The following RELN variants were observed in gnomAD, a reference collection of about 807,000 sequenced individuals.
The protein encoded by RELN is reelin.
A neutral mutation model predicts 427.6 loss-of-function variants in RELN; 108 were observed. That is an observed-to-expected ratio of 0.25 (90% CI 0.22 to 0.30). The LOEUF is 0.30. Ranked by LOEUF, RELN falls within the 10% of genes least tolerant of loss-of-function variation. The pLI, the probability that RELN is intolerant of heterozygous loss-of-function variation, is 1.00. For missense variants in RELN, 3,715 were observed against 4,302.8 expected (o/e 0.86, Z 3.82); for synonymous variants, 1,524 against 1,513.4 (o/e 1.01, Z -0.16).
rs527362265 is a variant in RELN at position 103,977,098 on chromosome 7, G to T, written c.226+12033C>A. On this transcript the variant is annotated intron_variant, in intron 1 of 64. Transcript: ENST00000428762. ...GGCTGAGGTGGGTGGATCATTTGAG[G>T]TCAGGAGTTCAAGACCAGCCTGGCC... Among the ~76,000 whole-genome samples the T allele has an allele frequency of 2.2e-3, 333 of 151,206 alleles. 1 individual carries two copies. The highest frequency in any genetic ancestry group is 3.1e-3 in the Non-Finnish European group (208 of 67,800).
At chr7:103,574,474 T>C (rs1257097758) in intron 29 of RELN, among the ~76,000 whole-genome samples, 175 bp from the exon 30 acceptor site, 5 of 152,204 alleles carry the variant, frequency 3.3e-5, no homozygotes, top group Non-Finnish European at 7.3e-5. Flanking sequence ...ACTACCATCA[T>C]CAAAAACACT....
intron 18 of RELN, 123 bp from the exon 19 acceptor site, chr7:103,635,709 AT>A: frequency 1.3e-6 from 1 of 765,972 alleles, no homozygotes; most frequent in Non-Finnish European, 2.2e-6. Context: ...ATGTTAAGTA[AT>A]TTCATTGTTA....
chr7:103,932,191 G>A (rs10238495), intron 1 of RELN, among the ~76,000 whole-genome samples: 63,712 of 152,054 alleles, frequency 0.42, 14,160 homozygotes, highest in African/African-American at 0.58. Context: ...ACACACCATG[G>A]AATACTACAC....
At chr7:103,545,082 G>A in intron 42 of RELN, 42 bp downstream of exon 42, 1 of 1,495,160 alleles carries the variant, frequency 6.7e-7, no homozygotes, top group Non-Finnish European at 9.3e-7. Flanking sequence ...TAACATATAA[G>A]TTCTTTCACA....
At chr7:103,670,530 G>GT (rs1285315500) in intron 11 of RELN, among the ~76,000 whole-genome samples, 1 of 100,042 alleles carries the variant, frequency 1.0e-5, no homozygotes, top group Non-Finnish European at 2.3e-5. Flanking sequence ...TGATTCTAGT[G>GT]TTTTGCGGGT....
intron 5 of RELN, 34 bp from the exon 6 acceptor site, chr7:103,749,538 A>G: frequency 2.1e-6 from 3 of 1,413,090 alleles, no homozygotes; most frequent in South Asian, 1.1e-5. Context: ...GGAAAGAAAT[A>G]TACTACAACA....
chr7:103,962,646 T>TTG lies in RELN; in HGVS notation c.226+26483_226+26484dup, dbSNP rs57782980. ...TGTTGGATTTTCCATTCCAAAGTTG[T>TTG]TGTGTGTGTGTGTGTGTGTGTGTGT... On this transcript the variant is annotated intron_variant, in intron 1 of 64. Coordinates refer to ENST00000428762, the MANE Select transcript of RELN (RefSeq NM_005045.4). Among the ~76,000 whole-genome samples, 652 of 149,916 alleles carry TTG rather than the reference T, an allele frequency of 4.3e-3. 8 individuals are homozygous for TTG. Among genetic ancestry groups the TTG allele is most frequent in the South Asian group, 0.02 (93 of 4,686 alleles).
At chr7:103,554,028 A>G (rs1474336736) in intron 38 of RELN, among the ~76,000 whole-genome samples, 197 bp from the exon 39 acceptor site, 1 of 152,178 alleles carries the variant, frequency 6.6e-6, no homozygotes, top group Non-Finnish European at 1.5e-5. Context: ...TCTACAAAAA[A>G]TAAAAAAAAT....
chr7:103,870,261 C>CT (rs1563061420), intron 2 of RELN, among the ~76,000 whole-genome samples: 1 of 152,010 alleles, frequency 6.6e-6, no homozygotes, highest in South Asian at 2.1e-4. Context: ...CTATTGAATG[C>CT]TTTTTTCTTG....
chr7:103,632,148 G>A (rs1403715985), intron 19 of RELN, among the ~76,000 whole-genome samples: 3 of 152,118 alleles, frequency 2.0e-5, no homozygotes, highest in African/African-American at 7.2e-5. Flanking sequence ...TTAAGACTAC[G>A]GGTCTGTAAT....
intron 1 of RELN, among the ~76,000 whole-genome samples, chr7:103,922,952 C>A (rs577637101): frequency 2.0e-5 from 3 of 151,696 alleles, no homozygotes; most frequent in Non-Finnish European, 4.4e-5. Flanking sequence ...CGGCAAGCAT[C>A]AGAGGATAGC....
At chr7:103,842,866 T>C (rs1793586350) in intron 2 of RELN, among the ~76,000 whole-genome samples, 1 of 152,162 alleles carries the variant, frequency 6.6e-6, no homozygotes, top group Admixed American at 6.6e-5. Flanking sequence ...CTCAGTGCAC[T>C]TAAAAGATGA....
intron 11 of RELN, among the ~76,000 whole-genome samples, chr7:103,680,275 A>C (rs1473063404): frequency 6.6e-6 from 1 of 152,016 alleles, no homozygotes; most frequent in Admixed American, 6.6e-5. Flanking sequence ...CCTGGAGAGG[A>C]AATGCATCTC....
chr7:103,870,456 C>A (rs75738426), intron 2 of RELN, among the ~76,000 whole-genome samples: 1,893 of 151,970 alleles, frequency 0.012, 34 homozygotes, highest in African/African-American at 0.043. Flanking sequence ...TAGGATGGAT[C>A]TCTAGAATGC....
intron 5 of RELN, among the ~76,000 whole-genome samples, chr7:103,750,583 T>C (rs1019068580): frequency 1.3e-5 from 2 of 152,190 alleles, no homozygotes; most frequent in African/African-American, 4.8e-5. Context: ...AAGCATGGAA[T>C]TGGATAGAAC....
intron 58 of RELN, 99 bp downstream of exon 58, chr7:103,491,854 T>TCACACACACACACA (rs1465537709): frequency 1.4e-4 from 54 of 378,000 alleles, no homozygotes; most frequent in Middle Eastern, 7.3e-4. Context: ...TCTCTCTCTC[T>TCACACACACACACA]CTCACACACA....
chr7:103,575,816 T>TCAAGCAGA, intron 28 of RELN, 111 bp from the exon 29 acceptor site: 5 of 1,200,824 alleles, frequency 4.2e-6, no homozygotes, highest in East Asian at 2.4e-5. Context: ...TATTTGAAAG[T>TCAAGCAGA]CATGTCTGCT....
chr7:103,726,802 G>GTA (rs1491239438), intron 7 of RELN, among the ~76,000 whole-genome samples: 3 of 152,118 alleles, frequency 2.0e-5, no homozygotes, highest in Admixed American at 2.0e-4. Context: ...TTCTGTCATG[G>GTA]TATATTATTT....
intron 3 of RELN, among the ~76,000 whole-genome samples, chr7:103,797,467 A>G (rs2116296661): frequency 6.6e-6 from 1 of 152,234 alleles, no homozygotes; most frequent in South Asian, 2.1e-4. Flanking sequence ...ATAGAACAAG[A>G]GAGTTCACAA....
Sources: gnomAD v4.1 joint callset for allele counts (sites outside exome capture counted in the v4.1 genomes callset) on GRCh38, gnomAD v4.1.1 for gene constraint, MANE v1.5 for transcripts, NCBI Gene and HGNC (gene_info 2026-07-23, HGNC 2026-07-21) for gene names.